ZFR2: variants seen among roughly 807,000 people sequenced by gnomAD.
ZFR2 encodes the protein zinc finger RNA binding protein 2, also known as zinc finger RNA-binding protein 2.
In ZFR2, 104 loss-of-function variants were observed where a neutral mutation model predicts 105.7. The ratio of observed to expected loss-of-function variants is 0.98; its 90% confidence interval spans 0.84 to 1.16. The LOEUF (loss-of-function observed/expected upper bound fraction) is 1.16, where lower values mean the gene tolerates loss of function less well. Ranked by LOEUF, ZFR2 falls within the 50% of genes most tolerant of loss-of-function variation. ZFR2 has a pLI of 0.00. For synonymous variants in ZFR2, 634 were observed against 597.7 expected (o/e 1.06, Z -0.89); for missense variants, 1,425 against 1,355.5 (o/e 1.05, Z -0.80).
In ZFR2 at chr19:3,822,145, CTG is replaced by C. The variant is rs1476176598; in HGVS notation, c.1425_1426del (p.Cys475TrpfsTer6). ...GTCCTTCGCGTTAAGGTCGTTGAAA[CTG>C]CACTCGCACAGCTTGCAGTGGAAGC... On this transcript the variant is annotated frameshift_variant, in exon 9 of 19. Coordinates refer to ENST00000262961, the MANE Select transcript of ZFR2 (RefSeq NM_015174.2). LOFTEE classifies it high-confidence loss of function. 6.2e-7 allele frequency: 1 copy of C among 1,610,068 alleles called. No homozygotes were observed. Among genetic ancestry groups the C allele is most frequent in the Non-Finnish European group, 8.5e-7 (1 of 1,178,588 alleles).
chr19:3,844,279 A>G (rs1363186862), intron 1 of ZFR2, among the ~76,000 whole-genome samples: 1 of 151,990 alleles, frequency 6.6e-6, no homozygotes. Flanking sequence ...CCACCCATCT[A>G]TCTTGCTTTT....
At chr19:3,851,159 A>G (rs1366561498) in intron 1 of ZFR2, among the ~76,000 whole-genome samples, 1 of 151,964 alleles carries the variant, frequency 6.6e-6, no homozygotes, top group East Asian at 1.9e-4. Context: ...TAGAGAGGGG[A>G]GCAGTTAGAG....
At chr19:3,824,933 T>C (rs1015496059) in intron 7 of ZFR2, among the ~76,000 whole-genome samples, 1 of 152,100 alleles carries the variant, frequency 6.6e-6, no homozygotes, top group Admixed American at 6.6e-5. Context: ...CGAGGCTCCA[T>C]CTCAAACCAA....
At chr19:3,860,229 G>T (rs538669247) in intron 1 of ZFR2, among the ~76,000 whole-genome samples, 2 of 150,850 alleles carry the variant, frequency 1.3e-5, no homozygotes, top group Non-Finnish European at 3.0e-5. Context: ...GAGATGGGGG[G>T]GGTCTCACTA....
rs1483169330 is a variant in ZFR2, at chr19:3,804,542, T to A, written c.*1407A>T. The stretch of plus-strand genomic sequence containing the variant: ...GTGGTACAGGGCTCGGGGCGGGGGG[T>A]GGGTGGGGGTGCCTCTGGGCTCCGG... On this transcript the variant is annotated 3_prime_UTR_variant, in exon 19 of 19. Coordinates refer to ENST00000262961, the MANE Select transcript of ZFR2 (RefSeq NM_015174.2). The A allele has an allele frequency of 9.1e-6, 1 of 109,496 alleles. No individual in the cohort carries two copies. The highest frequency in any genetic ancestry group is 2.0e-5 in the Non-Finnish European group (1 of 50,758). 6.8% of individuals were successfully genotyped at this position (109,496 alleles called of 1,614,324 possible). A position where few individuals can be genotyped will look rare whatever the true frequency, so the allele number is the denominator to read the frequency against.
rs1021121999 is a variant in ZFR2 at position 3,834,373 on chromosome 19, G to A, written c.264+400C>T. 2.6e-5 allele frequency among the ~76,000 whole-genome samples: 4 copies of A among 152,136 alleles called. No homozygotes were observed. Among genetic ancestry groups the A allele is most frequent in the Non-Finnish European group, 5.9e-5 (4 of 68,026 alleles). On this transcript the variant is annotated intron_variant, in intron 2 of 18. Coordinates refer to ENST00000262961, the MANE Select transcript of ZFR2 (RefSeq NM_015174.2). The surrounding 1 kb of genome is among the most constrained non-coding windows in gnomAD (Gnocchi z 5.3). ...ACTCCCTCTTAGAAGGTAGGAATCT[G>A]GAGCGTGGGGAAGGTGGGGTGAGTC...
intron 7 of ZFR2, among the ~76,000 whole-genome samples, chr19:3,824,610 C>T (rs2037929077): frequency 6.6e-6 from 1 of 152,138 alleles, no homozygotes; most frequent in Non-Finnish European, 1.5e-5. Flanking sequence ...TGAGGGCTTC[C>T]AGAGAACCCC....
chr19:3,825,317 G>T lies in ZFR2; in HGVS notation c.1126C>A (p.Pro376Thr). Residue 376 changes from proline to threonine, a missense_variant, in exon 7 of 19, where the codon CCC becomes ACC. By Grantham distance (38) the Pro-to-Thr change is conservative. Coordinates refer to ENST00000262961, the MANE Select transcript of ZFR2 (RefSeq NM_015174.2). ...TESPPGAEAK[P>T]TSPTGPSVCA... ...ACGCTGGGGCCAGTGGGGGACGTGG[G>T]CTTGGCCTCTGCCCCGGGGGGGCTC... 6.3e-7 allele frequency: 1 copy of T among 1,584,626 alleles called. No individual in the cohort carries two copies. The highest frequency in any genetic ancestry group is 8.5e-7 in the Non-Finnish European group (1 of 1,170,190).
chr19:3,830,125 C>A (rs1335786459), intron 5 of ZFR2, among the ~76,000 whole-genome samples: 1 of 148,456 alleles, frequency 6.7e-6, no homozygotes, highest in Admixed American at 6.9e-5. Context: ...CATAGTGAGA[C>A]CCTGTATCTA....
chr19:3,834,742 G>C lies in ZFR2; in HGVS notation c.264+31C>G. 6.2e-7 allele frequency: 1 copy of C among 1,605,428 alleles called. No homozygotes were observed. The highest frequency in any genetic ancestry group is 2.2e-5 in the East Asian group (1 of 44,708). ...CCATGCAAGGCGACCCACGTTTCCC[G>C]GCAACGCTGGTCAAAGAAAGGACTG... On this transcript the variant is annotated intron_variant, in intron 2 of 18. Coordinates refer to ENST00000262961, the MANE Select transcript of ZFR2 (RefSeq NM_015174.2). The surrounding 1 kb of genome is among the most constrained non-coding windows in gnomAD (Gnocchi z 5.3).
In ZFR2 at chr19:3,813,777, A is replaced by G. The variant is rs377650029; in HGVS notation, c.2242+43T>C. On this transcript the variant is annotated intron_variant, in intron 14 of 18. Coordinates refer to ENST00000262961, the MANE Select transcript of ZFR2 (RefSeq NM_015174.2). The surrounding 1 kb of genome is among the most constrained non-coding windows in gnomAD (Gnocchi z 4.4). Reference sequence around the variant, plus strand: ...CTGGGTGTGGGGAGCGCCCTGGGGAAGCGTGAGGGGGACAGTGGTTGGAAG... The same window carrying G: ...CTGGGTGTGGGGAGCGCCCTGGGGAGGCGTGAGGGGGACAGTGGTTGGAAG... 2.0e-5 allele frequency: 32 copies of G among 1,607,050 alleles called. No homozygotes were observed. In the African/African-American group the frequency reaches 3.9e-4, roughly 19 times the overall value.
chr19:3,850,268 C>T (rs1373466072), intron 1 of ZFR2, among the ~76,000 whole-genome samples: 3 of 151,916 alleles, frequency 2.0e-5, no homozygotes, highest in Non-Finnish European at 4.4e-5. Context: ...CTGAGAGGAG[C>T]GTGGGAGAAA....
intron 1 of ZFR2, among the ~76,000 whole-genome samples, chr19:3,847,157 G>T (rs988102731): frequency 6.6e-6 from 1 of 152,228 alleles, no homozygotes; most frequent in Non-Finnish European, 1.5e-5. Flanking sequence ...GGGATATGAG[G>T]GAGAGCAGGG....
intron 6 of ZFR2, 86 bp downstream of exon 6, chr19:3,827,385 C>A: frequency 1.4e-6 from 2 of 1,385,600 alleles, no homozygotes; most frequent in Non-Finnish European, 1.9e-6. Flanking sequence ...TCCCTCTGAT[C>A]TCCCCAGGTA....
At chr19:3,837,058 G>C (rs944523947) in intron 1 of ZFR2, among the ~76,000 whole-genome samples, 3 of 152,186 alleles carry the variant, frequency 2.0e-5, no homozygotes, top group African/African-American at 7.2e-5. Context: ...ACTCCTGCCA[G>C]CCAGGTGAGT....
chr19:3,832,055 C>T (rs1162027533), intron 3 of ZFR2, among the ~76,000 whole-genome samples, 177 bp from the exon 4 acceptor site: 1 of 152,138 alleles, frequency 6.6e-6, no homozygotes, highest in African/African-American at 2.4e-5. Context: ...GCCCACCTCT[C>T]CTTTCCAGAG....
intron 17 of ZFR2, among the ~76,000 whole-genome samples, 198 bp from the exon 18 acceptor site, chr19:3,807,467 C>T (rs999913490): frequency 1.3e-5 from 2 of 152,230 alleles, no homozygotes; most frequent in Non-Finnish European, 2.9e-5. Context: ...TCCTCCTGGC[C>T]CCTCAAAGCC....
At chr19:3,821,595 TC>T in intron 9 of ZFR2, 116 bp from the exon 10 acceptor site, 1 of 496,994 alleles carries the variant, frequency 2.0e-6, no homozygotes, top group Non-Finnish European at 3.0e-6. Context: ...CTGAAAAATC[TC>T]CCAAAGCCTT....
At chr19:3,856,523 C>T (rs2038303775) in intron 1 of ZFR2, among the ~76,000 whole-genome samples, 1 of 152,206 alleles carries the variant, frequency 6.6e-6, no homozygotes, top group South Asian at 2.1e-4. Flanking sequence ...ATGTTTCCAC[C>T]ACCCCAAAAA....
Sources: gnomAD v4.1 joint callset for allele counts (sites outside exome capture counted in the v4.1 genomes callset) on GRCh38, gnomAD v4.1.1 for gene constraint, Gnocchi (gnomAD v3.1) non-coding constraint, MANE v1.5 for transcripts, NCBI Gene and HGNC (gene_info 2026-07-23, HGNC 2026-07-21) for gene names.